The following PAPPA2 variants were observed in gnomAD, a reference collection of about 807,000 sequenced individuals.
PAPPA2 encodes pappalysin 2, also known as pappalysin-2.
A neutral mutation model predicts 176.4 loss-of-function variants in PAPPA2; 86 were observed. The observed-to-expected ratio is 0.49, with a 90% confidence interval of 0.41 to 0.58. PAPPA2 has a LOEUF of 0.58. PAPPA2 is among the 20% of genes least tolerant of loss of function. PAPPA2 has a pLI of 0.00. For missense variants in PAPPA2, 2,073 were observed against 2,256.9 expected, an observed-to-expected ratio of 0.92 and a Z score of 1.65; for synonymous variants, 809 against 852.2, an observed-to-expected ratio of 0.95 and a Z score of 0.88.
At chr1:176,673,428 G>A (rs943400791) in intron 4 of PAPPA2, among the ~76,000 whole-genome samples, 2 of 152,126 alleles carry the variant, frequency 1.3e-5, no homozygotes, top group African/African-American at 4.8e-5. Context: ...CCAACTTGAT[G>A]CACACTCCCA....
intron 9 of PAPPA2, among the ~76,000 whole-genome samples, chr1:176,703,970 C>T (rs1233784185): frequency 4.1e-5 from 4 of 96,456 alleles, no homozygotes; most frequent in Non-Finnish European, 8.8e-5. Flanking sequence ...ACCTGAAGCC[C>T]TCCAGTTAAT....
At chr1:176,611,291 G>C (rs890898704) in intron 3 of PAPPA2, among the ~76,000 whole-genome samples, 1 of 152,156 alleles carries the variant, frequency 6.6e-6, no homozygotes, top group Non-Finnish European at 1.5e-5. Context: ...GAAGATATCA[G>C]ATAATAACCA....
intron 2 of PAPPA2, among the ~76,000 whole-genome samples, chr1:176,564,722 C>CT (rs71299415): frequency 0.2 from 26,817 of 133,908 alleles, 2,645 homozygotes; most frequent in Middle Eastern, 0.28. Context: ...CTTTCCTTTT[C>CT]TTTTTTTTTT....
At chr1:176,799,426 G>A (rs1665578031) in intron 20 of PAPPA2, among the ~76,000 whole-genome samples, 1 of 152,126 alleles carries the variant, frequency 6.6e-6, no homozygotes, top group Admixed American at 6.6e-5. Flanking sequence ...GCTTGATGTT[G>A]GTGTCATTTT....
intron 3 of PAPPA2, among the ~76,000 whole-genome samples, chr1:176,609,975 A>G (rs1010822472): frequency 2.6e-5 from 4 of 152,198 alleles, no homozygotes; most frequent in African/African-American, 9.7e-5. Flanking sequence ...TTATCTCAGC[A>G]TGGAATTTTA....
chr1:176,548,878 G>A (rs1431889904), intron 1 of PAPPA2, among the ~76,000 whole-genome samples: 1 of 152,106 alleles, frequency 6.6e-6, no homozygotes, highest in Non-Finnish European at 1.5e-5. Context: ...CTCAAGACAT[G>A]AAAAGTCTGG....
chr1:176,715,250 A>G (rs1322203081), intron 12 of PAPPA2, among the ~76,000 whole-genome samples: 1 of 152,222 alleles, frequency 6.6e-6, no homozygotes, highest in Admixed American at 6.5e-5. Context: ...CTAGTTGCCA[A>G]GTTCCCAAGG....
At chr1:176,720,766 A>C (rs1001562567) in intron 12 of PAPPA2, among the ~76,000 whole-genome samples, 8 of 152,166 alleles carry the variant, frequency 5.3e-5, no homozygotes, top group Non-Finnish European at 8.8e-5. Flanking sequence ...TGCTGGTAGC[A>C]TGACTCAGTC....
chr1:176,784,813 C>T (rs1007893380), intron 17 of PAPPA2, among the ~76,000 whole-genome samples: 5 of 152,034 alleles, frequency 3.3e-5, no homozygotes, highest in African/African-American at 9.7e-5. Context: ...GTCTTGAACT[C>T]CTGACCTCAT....
intron 3 of PAPPA2, among the ~76,000 whole-genome samples, chr1:176,605,294 C>A (rs751980935): frequency 7.2e-5 from 11 of 152,192 alleles, no homozygotes; most frequent in Non-Finnish European, 1.5e-4. Flanking sequence ...CCTTATCAGG[C>A]ACTTTAGTTA....
intron 3 of PAPPA2, among the ~76,000 whole-genome samples, chr1:176,620,042 T>C (rs1452958512): frequency 6.6e-6 from 1 of 152,218 alleles, no homozygotes; most frequent in Non-Finnish European, 1.5e-5. Context: ...GTCATAGTTC[T>C]AGAGGCTGGG....
At chr1:176,769,497 C>A in intron 15 of PAPPA2, 110 bp from the exon 16 acceptor site, 1 of 1,165,934 alleles carries the variant, frequency 8.6e-7, no homozygotes, top group Non-Finnish European at 1.2e-6. Context: ...AATAATTTGT[C>A]CCGTTTTAAA....
chr1:176,641,953 C>T (rs1345634408), intron 3 of PAPPA2, among the ~76,000 whole-genome samples: 6 of 151,916 alleles, frequency 3.9e-5, no homozygotes, highest in African/African-American at 1.4e-4. Context: ...AGTCACATTT[C>T]TCCTAGAACT....
chr1:176,803,456 A>C (rs1665769611), intron 21 of PAPPA2, among the ~76,000 whole-genome samples: 1 of 152,190 alleles, frequency 6.6e-6, no homozygotes, highest in African/African-American at 2.4e-5. Context: ...AAAGGAAAGG[A>C]AAAGAAAAGG....
chr1:176,636,704 AT>A (rs1209520895), intron 3 of PAPPA2, among the ~76,000 whole-genome samples: 1 of 152,120 alleles, frequency 6.6e-6, no homozygotes, highest in East Asian at 1.9e-4. Context: ...TTTTAAACAA[AT>A]TTCAGAGGTG....
At chr1:176,746,366 A>G (rs1181244625) in intron 14 of PAPPA2, among the ~76,000 whole-genome samples, 2 of 152,172 alleles carry the variant, frequency 1.3e-5, no homozygotes, top group African/African-American at 2.4e-5. Context: ...CGTGTTCCAC[A>G]CAGGAGTTCC....
intron 1 of PAPPA2, among the ~76,000 whole-genome samples, chr1:176,548,016 C>T (rs1433649590): frequency 1.3e-5 from 2 of 152,144 alleles, no homozygotes; most frequent in Non-Finnish European, 2.9e-5. Flanking sequence ...CTAGTGAAAG[C>T]TGACTAATAC....
intron 3 of PAPPA2, among the ~76,000 whole-genome samples, chr1:176,647,569 C>A (rs1278140170): frequency 6.6e-6 from 1 of 151,550 alleles, no homozygotes; most frequent in African/African-American, 2.4e-5. Flanking sequence ...GTCTTTAATC[C>A]ATTTTGATTT....
intron 4 of PAPPA2, among the ~76,000 whole-genome samples, chr1:176,685,575 A>G (rs1659799057): frequency 6.6e-6 from 1 of 152,238 alleles, no homozygotes; most frequent in African/African-American, 2.4e-5. Flanking sequence ...GGTAATGACA[A>G]GTAGCATTTC....
Sources: allele counts gnomAD v4.1 joint callset (sites outside exome capture counted in the v4.1 genomes callset), GRCh38; gene constraint gnomAD v4.1.1; transcripts MANE v1.5; gene names NCBI Gene and HGNC (gene_info 2026-07-23, HGNC 2026-07-21).